The following BMAL1 variants were observed in gnomAD, a reference collection of about 807,000 sequenced individuals.
The protein encoded by BMAL1 is basic helix-loop-helix ARNT like 1.
At chr11:13,324,250 C>T in the BMAL1 span, among the ~76,000 whole-genome samples, 3 of 152,218 alleles carry the variant, frequency 2.0e-5, no homozygotes, top group Admixed American at 6.5e-5. Flanking sequence ...GCTCTAAACT[C>T]TCCAGCGGCT....
the BMAL1 span, among the ~76,000 whole-genome samples, chr11:13,286,427 G>A: frequency 6.6e-6 from 1 of 152,196 alleles, no homozygotes; most frequent in African/African-American, 2.4e-5. Context: ...ACTGGGCCCA[G>A]CCACTGACTG....
At chr11:13,375,740 G>T in the BMAL1 span, 1 of 1,589,872 alleles carries the variant, frequency 6.3e-7, no homozygotes, top group Non-Finnish European at 8.5e-7. Context: ...AGAATATATT[G>T]TCTCAACTAA....
At chr11:13,306,583 TG>T in the BMAL1 span, among the ~76,000 whole-genome samples, 1 of 152,168 alleles carries the variant, frequency 6.6e-6, no homozygotes, top group South Asian at 2.1e-4. Context: ...GTCTGGCTGC[TG>T]GGGAAAAATC....
chr11:13,315,974 AG>A, the BMAL1 span, among the ~76,000 whole-genome samples: 1 of 152,240 alleles, frequency 6.6e-6, no homozygotes, highest in African/African-American at 2.4e-5. Context: ...CATCAGAACC[AG>A]CTGTGCTGAG....
the BMAL1 span, among the ~76,000 whole-genome samples, chr11:13,314,549 C>A: frequency 3.3e-5 from 5 of 152,102 alleles, no homozygotes; most frequent in Admixed American, 6.5e-5. Flanking sequence ...TCTCTATATT[C>A]TTTGCCCCTG....
the BMAL1 span, among the ~76,000 whole-genome samples, chr11:13,374,738 C>G: frequency 4.6e-5 from 7 of 152,216 alleles, no homozygotes; most frequent in Admixed American, 1.3e-4. Context: ...TTTCTCTGAT[C>G]CCTCTCACCC....
chr11:13,285,342 T>A, the BMAL1 span, among the ~76,000 whole-genome samples: 2 of 152,176 alleles, frequency 1.3e-5, no homozygotes, highest in Admixed American at 1.3e-4. Flanking sequence ...TTGTGGGCAC[T>A]GAGGATACAG....
the BMAL1 span, chr11:13,354,547 G>A: frequency 6.8e-7 from 1 of 1,476,110 alleles, no homozygotes. Flanking sequence ...CTGGAAAAGG[G>A]GATGGGAATA....
the BMAL1 span, among the ~76,000 whole-genome samples, chr11:13,285,515 C>A: frequency 1.4e-4 from 22 of 152,260 alleles, no homozygotes; most frequent in South Asian, 8.3e-4. Flanking sequence ...ATCTAGATCA[C>A]AGGGGAGACC....
chr11:13,284,253 TATATATATATA>T, the BMAL1 span, among the ~76,000 whole-genome samples: 38 of 32,240 alleles, frequency 1.2e-3, 3 homozygotes, highest in African/African-American at 3.9e-3. Flanking sequence ...TATATATATA[TATATATATATA>T]TATTTTTTTT....
chr11:13,365,929 G>A, the BMAL1 span, among the ~76,000 whole-genome samples: 3 of 152,154 alleles, frequency 2.0e-5, no homozygotes, highest in South Asian at 2.1e-4. Context: ...CAGAGAATAC[G>A]TCACTTGGAA....
the BMAL1 span, among the ~76,000 whole-genome samples, chr11:13,284,232 GTGTATATA>G: frequency 6.2e-3 from 50 of 8,106 alleles, 5 homozygotes; most frequent in East Asian, 0.013. Context: ...ATATATGTGT[GTGTATATA>G]TATATATATA....
chr11:13,369,919 G>A, the BMAL1 span: 14 of 958,372 alleles, frequency 1.5e-5, no homozygotes, highest in African/African-American at 6.7e-5. Flanking sequence ...CTCCCTATGT[G>A]TAGGGCAGTT....
chr11:13,307,850 C>T, the BMAL1 span, among the ~76,000 whole-genome samples: 3 of 152,232 alleles, frequency 2.0e-5, no homozygotes, highest in Admixed American at 1.3e-4. Context: ...CCCCGAGGCC[C>T]GCGAGTCTGC....
the BMAL1 span, among the ~76,000 whole-genome samples, chr11:13,350,707 G>C: frequency 4.6e-5 from 7 of 151,996 alleles, no homozygotes; most frequent in Non-Finnish European, 7.4e-5. Flanking sequence ...CCTAAGCTTA[G>C]GTAGTATATC....
the BMAL1 span, among the ~76,000 whole-genome samples, chr11:13,289,275 A>G: frequency 6.6e-6 from 1 of 152,224 alleles, no homozygotes; most frequent in Non-Finnish European, 1.5e-5. Flanking sequence ...TAGGAGAACC[A>G]GAAGAAAGTT....
chr11:13,286,748 A>G, the BMAL1 span, among the ~76,000 whole-genome samples: 1 of 152,130 alleles, frequency 6.6e-6, no homozygotes, highest in South Asian at 2.1e-4. Context: ...TCCAGATAAG[A>G]TTTCTGTGTT....
chr11:13,281,920 A>G, the BMAL1 span, among the ~76,000 whole-genome samples: 8 of 152,144 alleles, frequency 5.3e-5, no homozygotes, highest in African/African-American at 1.9e-4. Flanking sequence ...GTAAAGATAA[A>G]TGTCTGTCCT....
the BMAL1 span, among the ~76,000 whole-genome samples, chr11:13,302,314 A>G: frequency 1.3e-5 from 2 of 152,266 alleles, no homozygotes; most frequent in South Asian, 4.2e-4. Flanking sequence ...GTGGTGTCCT[A>G]TCCTGGCTGC....
Sources: allele counts gnomAD v4.1 joint callset (sites outside exome capture counted in the v4.1 genomes callset), GRCh38; gene constraint gnomAD v4.1.1; transcripts MANE v1.5; gene names NCBI Gene and HGNC (gene_info 2026-07-23, HGNC 2026-07-21).